Variants in CIT observed in about 807,000 individuals in gnomAD.
The protein encoded by CIT is citron rho-interacting serine/threonine kinase.
A neutral mutation model predicts 272.7 loss-of-function variants in CIT; 79 were observed. The observed-to-expected ratio is 0.29, with a 90% CI of 0.24 to 0.35. CIT has a LOEUF of 0.35. Among genes scored for constraint, CIT ranks in the 10% least tolerant of loss-of-function variants. The pLI is 1.00. For missense variants in CIT, 1,909 were observed against 2,618.3 expected, an observed-to-expected ratio of 0.73 and a Z score of 5.91; for synonymous variants, 948 against 995.6, an observed-to-expected ratio of 0.95 and a Z score of 0.90.
chr12:119,862,571 A>T (rs1373686951), intron 3 of CIT, among the ~76,000 whole-genome samples: 1 of 151,790 alleles, frequency 6.6e-6, no homozygotes, highest in Non-Finnish European at 1.5e-5. Context: ...CTGTAATCCC[A>T]GCATTTTGGG....
chr12:119,766,777 TAAAAAA>T (rs920695124), intron 19 of CIT, among the ~76,000 whole-genome samples: 82 of 149,060 alleles, frequency 5.5e-4, no homozygotes, highest in African/African-American at 1.9e-3. Flanking sequence ...CCACAAAAAT[TAAAAAA>T]GAAAAAGGAT....
Position 119,710,132 on chromosome 12 carries a change from G to C in CIT, c.5071+119C>G. The C allele has an allele frequency of 8.9e-7, 1 of 1,118,618 alleles. No individual in the cohort carries two copies. Among genetic ancestry groups the C allele is most frequent in the East Asian group, 2.4e-5 (1 of 42,452 alleles). The allele number at this position is 1,118,618 out of a possible 1,614,324, so 69.3% of individuals were successfully genotyped here. A position where few individuals can be genotyped will look rare whatever the true frequency, so the allele number is the denominator to read the frequency against. On this transcript the variant is annotated intron_variant, in intron 39 of 47. Coordinates refer to ENST00000392521, the MANE Select transcript of CIT (RefSeq NM_001206999.2). This position sits in a 1 kb window ranked among gnomAD's most constrained non-coding sequence, Gnocchi z 5.6. ...AGGCTTGGGCATCTATGGGGACACA[G>C]AGATAAGAGCTACAACGGCTCCTCT...
chr12:119,790,808 C>G (rs1007275685), intron 10 of CIT, among the ~76,000 whole-genome samples: 3 of 152,132 alleles, frequency 2.0e-5, no homozygotes, highest in African/African-American at 7.2e-5. Flanking sequence ...CAAGAATTAT[C>G]CAGCCCAAAA....
At chr12:119,845,943 A>AACAC (rs58381184) in intron 5 of CIT, among the ~76,000 whole-genome samples, 17,165 of 136,870 alleles carry the variant, frequency 0.13, 1,327 homozygotes, top group African/African-American at 0.21. Flanking sequence ...TCCATCTCAA[A>AACAC]ACACACACAC....
chr12:119,776,553 A>G (rs1330881921), intron 14 of CIT, 119 bp downstream of exon 14: 1 of 1,154,142 alleles, frequency 8.7e-7, no homozygotes, highest in Non-Finnish European at 1.2e-6. Context: ...AGAGTTTTCC[A>G]AGGTATCCTA....
chr12:119,831,289 T>C (rs900698597), intron 7 of CIT, among the ~76,000 whole-genome samples: 1 of 152,208 alleles, frequency 6.6e-6, no homozygotes, highest in African/African-American at 2.4e-5. Flanking sequence ...AAACATAAAA[T>C]GCTTTGTAGT....
At chr12:119,757,338 A>G (rs1961138111) in intron 22 of CIT, 33 bp downstream of exon 22, 1 of 1,611,034 alleles carries the variant, frequency 6.2e-7, no homozygotes, top group East Asian at 2.2e-5. Flanking sequence ...ATCGCCCAGC[A>G]AATCCTCCCA....
intron 2 of CIT, among the ~76,000 whole-genome samples, chr12:119,872,982 G>C (rs1950728650): frequency 6.6e-6 from 1 of 151,888 alleles, no homozygotes; most frequent in Non-Finnish European, 1.5e-5. Context: ...ATTTTTTGTA[G>C]AGATGGGGTT....
At chr12:119,780,389 C>A (rs1358074852) in intron 13 of CIT, among the ~76,000 whole-genome samples, 1 of 152,158 alleles carries the variant, frequency 6.6e-6, no homozygotes, top group East Asian at 1.9e-4. Flanking sequence ...GAGGCCAAGG[C>A]GGGCAGATCA....
At chr12:119,771,946 A>C (rs1691219828) in intron 17 of CIT, among the ~76,000 whole-genome samples, 1 of 152,172 alleles carries the variant, frequency 6.6e-6, no homozygotes, top group African/African-American at 2.4e-5. Flanking sequence ...AAGGGAAACC[A>C]GCTTGCCAGG....
intron 26 of CIT, among the ~76,000 whole-genome samples, chr12:119,732,587 A>G (rs560271046): frequency 6.6e-6 from 1 of 152,250 alleles, no homozygotes; most frequent in South Asian, 2.1e-4. Flanking sequence ...ACAAAAAGGA[A>G]CTATTTCTAC....
chr12:119,701,323 G>A (rs943078581), intron 43 of CIT, among the ~76,000 whole-genome samples: 5 of 151,284 alleles, frequency 3.3e-5, no homozygotes, highest in African/African-American at 9.7e-5. Flanking sequence ...GGGAGGGGAA[G>A]GGAGGGGAGG....
chr12:119,767,581 T>C (rs1962595086), intron 18 of CIT, among the ~76,000 whole-genome samples: 1 of 152,226 alleles, frequency 6.6e-6, no homozygotes, highest in Non-Finnish European at 1.5e-5. Flanking sequence ...ATGATTATGA[T>C]TTTTAAAAAT....
chr12:119,750,522 C>T (rs1180371246), intron 23 of CIT, among the ~76,000 whole-genome samples: 1 of 151,884 alleles, frequency 6.6e-6, no homozygotes, highest in African/African-American at 2.4e-5. Context: ...TGAGTGTTCT[C>T]ATAGAGACTA....
intron 20 of CIT, among the ~76,000 whole-genome samples, chr12:119,758,923 G>A (rs1961380596): frequency 6.6e-6 from 1 of 152,152 alleles, no homozygotes; most frequent in Non-Finnish European, 1.5e-5. Flanking sequence ...TAAGTGGCTT[G>A]CATTTAAAAC....
intron 9 of CIT, among the ~76,000 whole-genome samples, chr12:119,818,946 G>C (rs1267488774): frequency 6.6e-6 from 1 of 152,166 alleles, no homozygotes; most frequent in Non-Finnish European, 1.5e-5. Context: ...ATGGGAGCAG[G>C]TACACGATGC....
chr12:119,788,459 A>G (rs745934312), intron 10 of CIT, among the ~76,000 whole-genome samples: 1 of 152,220 alleles, frequency 6.6e-6, no homozygotes, highest in Non-Finnish European at 1.5e-5. Context: ...CATGCATGAC[A>G]TGCATCAGGG....
chr12:119,708,903 C>T lies in CIT; in HGVS notation c.5072-585G>A, dbSNP rs74729674. Among the ~76,000 whole-genome samples, 238 of 152,270 alleles carry T rather than the reference C, an allele frequency of 1.6e-3. 1 individual carries two copies. The highest frequency in any genetic ancestry group is 5.5e-3 in the African/African-American group (230 of 41,544). On this transcript the variant is annotated intron_variant, in intron 39 of 47. Coordinates refer to ENST00000392521, the MANE Select transcript of CIT (RefSeq NM_001206999.2). The stretch of plus-strand genomic sequence containing the variant: ...AATGTGAACTGTACTTTCAAACATG[C>T]TCCCCAGCAAAGTAAAGAACGAATG...
intron 37 of CIT, chr12:119,711,087 C>T (rs376987770): frequency 6.4e-5 from 88 of 1,366,752 alleles, no homozygotes; most frequent in Non-Finnish European, 7.8e-5. Context: ...GAAACACAGT[C>T]GCGGGCCTAT....
Sources: gnomAD v4.1 joint callset for allele counts (sites outside exome capture counted in the v4.1 genomes callset) on GRCh38, gnomAD v4.1.1 for gene constraint, Gnocchi (gnomAD v3.1) non-coding constraint, MANE v1.5 for transcripts, NCBI Gene and HGNC (gene_info 2026-07-23, HGNC 2026-07-21) for gene names.